The following FAM149B1 variants were observed in gnomAD, a reference collection of about 807,000 sequenced individuals.
FAM149B1 encodes the protein family with sequence similarity 149 member B1.
FAM149B1 carries 56 observed loss-of-function variants against 75.3 expected under a neutral mutation model. That is an observed-to-expected ratio of 0.74 (90% CI 0.60 to 0.93). The LOEUF (loss-of-function observed/expected upper bound fraction) is 0.93. Ranked by LOEUF, FAM149B1 falls within the 40% of genes least tolerant of loss-of-function variation. FAM149B1 has a pLI of 0.00. For missense variants in FAM149B1, 639 were observed against 708.4 expected (o/e 0.90, Z 1.11); for synonymous variants, 259 against 256.1 (o/e 1.01, Z -0.11).
chr10:73,211,704 G>A (rs1324254943), intron 7 of FAM149B1, among the ~76,000 whole-genome samples: 1 of 152,206 alleles, frequency 6.6e-6, no homozygotes, highest in Non-Finnish European at 1.5e-5. Flanking sequence ...TCATGTGCAA[G>A]TAGCACTTTT....
chr10:73,228,154 G>A lies in FAM149B1; in HGVS notation c.993G>A (p.Gln331=). 6.4e-7 allele frequency: 1 copy of A among 1,551,658 alleles called. No individual in the cohort carries two copies. The highest frequency in any genetic ancestry group is 1.2e-5 in the South Asian group (1 of 84,056). Reference sequence around the variant, plus strand: ...CTTTGGTGTTACCGCGAGTGCCACAGTCTAAGGTGCTGTACATTACCTCAA... The same window carrying A: ...CTTTGGTGTTACCGCGAGTGCCACAATCTAAGGTGCTGTACATTACCTCAA... The part of the protein sequence containing the change: ...LHPLVLPRVP[Q]SKVLYITSNP... Residue 331 remains glutamine, a synonymous_variant, in exon 8 of 14, where the codon CAG becomes CAA. Coordinates refer to ENST00000242505, the MANE Select transcript of FAM149B1 (RefSeq NM_173348.2).
chr10:73,234,885 C>G lies in FAM149B1; in HGVS notation c.1421C>G (p.Pro474Arg), dbSNP rs1363926858. The G allele has an allele frequency of 6.4e-7, 1 of 1,551,832 alleles. No homozygotes were observed. The highest frequency in any genetic ancestry group is 8.7e-7 in the Non-Finnish European group (1 of 1,147,042). ...TPLSRNNLLP[P>R]IGTAEVEHVS... Reference sequence around the variant, plus strand: ...CTGAGTCGAAATAATCTGCTACCACCTATTGGCACAGCTGAAGTGGAACAT... The same window carrying G: ...CTGAGTCGAAATAATCTGCTACCACGTATTGGCACAGCTGAAGTGGAACAT... The change falls in exon 11 of 14, where the codon CCT (proline) becomes CGT (arginine). Residue 474 changes from proline to arginine, a missense_variant. Transcript: ENST00000242505.
At chr10:73,220,072 A>T (rs1024979110) in intron 7 of FAM149B1, among the ~76,000 whole-genome samples, 7 of 151,794 alleles carry the variant, frequency 4.6e-5, no homozygotes, top group Admixed American at 4.6e-4. Flanking sequence ...ACCCAATTTT[A>T]AAATGGGCAA....
intron 7 of FAM149B1, among the ~76,000 whole-genome samples, chr10:73,226,808 G>A (rs1370501242): frequency 6.7e-6 from 1 of 149,042 alleles, no homozygotes; most frequent in Non-Finnish European, 1.5e-5. Context: ...CTTTGTCATG[G>A]ACCAGTTGGT....
chr10:73,210,389 G>T lies in FAM149B1; in HGVS notation c.849G>T (p.Val283=). ...YVFDSVWCKV[V]SCMEQLTRSH... is the part of the protein sequence containing the mutation. ...TTGACAGTGTATGGTGCAAGGTTGT[G>T]AGCTGTATGGAGCAGTTGACACGTA... The change falls in exon 7 of 14, where the codon GTG becomes GTT. Residue 283 remains valine (V), a synonymous_variant. Coordinates refer to ENST00000242505, the MANE Select transcript of FAM149B1 (RefSeq NM_173348.2). 6.4e-7 allele frequency: 1 copy of T among 1,550,420 alleles called. No homozygotes were observed.
At chr10:73,179,264 A>C (rs1262063839) in intron 3 of FAM149B1, among the ~76,000 whole-genome samples, 1 of 151,906 alleles carries the variant, frequency 6.6e-6, no homozygotes, top group African/African-American at 2.4e-5. Context: ...TGCCCGGCCA[A>C]CATTTTTATT....
At chr10:73,207,636 T>G (rs2043097590) in intron 5 of FAM149B1, among the ~76,000 whole-genome samples, 1 of 152,124 alleles carries the variant, frequency 6.6e-6, no homozygotes. Context: ...AGAGCAACCT[T>G]GGGAGCTGAA....
chr10:73,236,715 TTTTTC>T (rs1305201882), intron 12 of FAM149B1, among the ~76,000 whole-genome samples: 10 of 149,906 alleles, frequency 6.7e-5, no homozygotes, highest in Middle Eastern at 3.4e-3. Flanking sequence ...CCCGGCCTTT[TTTTTC>T]TTTTCTTTTT....
chr10:73,210,580 T>C (rs760479104), intron 7 of FAM149B1, 142 bp downstream of exon 7: 24 of 543,378 alleles, frequency 4.4e-5, no homozygotes, highest in Admixed American at 1.1e-4. Flanking sequence ...TCCAAACACT[T>C]TGGGAGGCCA....
chr10:73,234,924 G>A lies in FAM149B1; in HGVS notation c.1460G>A (p.Gly487Glu). 2 of 1,551,964 alleles carry A rather than the reference G, an allele frequency of 1.3e-6. No homozygotes were observed. Among genetic ancestry groups the A allele is most frequent in the Non-Finnish European group, 1.7e-6 (2 of 1,147,062 alleles). The change falls in exon 11 of 14, where the codon GGG becomes GAG. Residue 487 changes from glycine to glutamate, a missense_variant. Gly to Glu is a moderately conservative substitution (Grantham distance 98). Coordinates refer to ENST00000242505, the MANE Select transcript of FAM149B1 (RefSeq NM_173348.2). ...TAEVEHVSTV[G>E]PQRQMKPHGD... ...GAAGTGGAACATGTGAGCACTGTGG[G>A]GCCACAAAGACAGATGGTATGTTTC...
chr10:73,241,045 T>G lies in FAM149B1; in HGVS notation c.*26T>G. On this transcript the variant is annotated 3_prime_UTR_variant, in exon 14 of 14. Transcript: ENST00000242505. ...GGCAAATGAGAAGAATCTATCAGGC[T>G]GCAGGAAACACGAGATTTCATGAAG... The G allele has an allele frequency of 7.7e-7, 1 of 1,306,408 alleles. No homozygotes were observed. Among genetic ancestry groups the G allele is most frequent in the East Asian group, 2.5e-5 (1 of 39,380 alleles). The allele number at this position is 1,306,408 out of a possible 1,614,324, so 80.9% of individuals were successfully genotyped here. A position where few individuals can be genotyped will look rare whatever the true frequency, so the allele number is the denominator to read the frequency against.
At chr10:73,197,990 G>A (rs1202730279) in intron 5 of FAM149B1, among the ~76,000 whole-genome samples, 1 of 152,150 alleles carries the variant, frequency 6.6e-6, no homozygotes, top group Non-Finnish European at 1.5e-5. Context: ...TAAAGTACAT[G>A]ACTACATGCT....
chr10:73,236,405 A>G (rs1012651118), intron 12 of FAM149B1, among the ~76,000 whole-genome samples: 3 of 141,284 alleles, frequency 2.1e-5, no homozygotes, highest in Non-Finnish European at 3.1e-5. Flanking sequence ...ATCACTCCCA[A>G]TTTCTGCCTT....
intron 7 of FAM149B1, among the ~76,000 whole-genome samples, chr10:73,224,301 C>A (rs1468876292): frequency 6.6e-6 from 1 of 152,112 alleles, no homozygotes; most frequent in African/African-American, 2.4e-5. Context: ...GCTGTGTACA[C>A]TAGTACATAC....
Position 73,203,841 on chromosome 10 carries a change from A to G in FAM149B1, c.543-4778A>G, listed in dbSNP as rs749240667. ...TTTTTTGCAGAAACCAAGTTTCACC[A>G]TGTTGCACAGGCTGGTGTTAAACTC... On this transcript the variant is annotated intron_variant, in intron 5 of 13. Coordinates refer to ENST00000242505, the MANE Select transcript of FAM149B1 (RefSeq NM_173348.2). Among the ~76,000 whole-genome samples the G allele has an allele frequency of 1.2e-4, 18 of 152,060 alleles. No individual in the cohort carries two copies. The East Asian group carries it at 2.3e-3, about 20-fold the overall frequency.
chr10:73,220,144 C>T (rs556510382), intron 7 of FAM149B1, among the ~76,000 whole-genome samples: 3 of 151,700 alleles, frequency 2.0e-5, no homozygotes, highest in East Asian at 1.9e-4. Flanking sequence ...ACATGAAAGA[C>T]GCTGTACATC....
At chr10:73,213,672 C>A (rs761932102) in intron 7 of FAM149B1, among the ~76,000 whole-genome samples, 3 of 152,050 alleles carry the variant, frequency 2.0e-5, no homozygotes, top group Non-Finnish European at 4.4e-5. Flanking sequence ...TATTCCATTC[C>A]GTTGGTCTGT....
chr10:73,181,897 A>C (rs184870195), intron 3 of FAM149B1, among the ~76,000 whole-genome samples: 21 of 152,188 alleles, frequency 1.4e-4, no homozygotes, highest in African/African-American at 5.1e-4. Flanking sequence ...CTCTCATAAT[A>C]TTTCCTTTAT....
intron 12 of FAM149B1, among the ~76,000 whole-genome samples, chr10:73,238,224 G>A (rs971796213): frequency 6.6e-6 from 1 of 152,136 alleles, no homozygotes; most frequent in Non-Finnish European, 1.5e-5. Context: ...GTGCATGCCT[G>A]TAATCCCAGC....
Sources: allele counts gnomAD v4.1 joint callset (sites outside exome capture counted in the v4.1 genomes callset), GRCh38; gene constraint gnomAD v4.1.1; transcripts MANE v1.5; gene names NCBI Gene and HGNC (gene_info 2026-07-23, HGNC 2026-07-21).